Variants in SOX5 observed in about 807,000 individuals in gnomAD.
SOX5 encodes the protein transcription factor SOX-5.
In SOX5, 9 loss-of-function variants were observed where a neutral mutation model predicts 92.0. The observed-to-expected ratio is 0.10, with a 90% CI of 0.06 to 0.17. The LOEUF (loss-of-function observed/expected upper bound fraction) is 0.17. Ranked by LOEUF, SOX5 falls within the 10% of genes least tolerant of loss-of-function variation. The pLI, the probability that SOX5 is intolerant of heterozygous loss-of-function variation, is 1.00. For synonymous variants in SOX5, 344 were observed against 336.3 expected (o/e 1.02, Z -0.25); for missense variants, 642 against 944.5 (o/e 0.68, Z 4.20).
chr12:23,826,789 CACATG>C (rs2096242491), intron 3 of SOX5, among the ~76,000 whole-genome samples: 1 of 152,176 alleles, frequency 6.6e-6, no homozygotes, highest in Non-Finnish European at 1.5e-5. Context: ...CCAAGTCTTC[CACATG>C]ACTAATGTCA....
chr12:23,890,906 T>C (rs1286345994), intron 2 of SOX5, among the ~76,000 whole-genome samples: 1 of 152,192 alleles, frequency 6.6e-6, no homozygotes, highest in East Asian at 1.9e-4. Context: ...TTTTCACTAA[T>C]GTCAGAATCA....
intron 4 of SOX5, among the ~76,000 whole-genome samples, chr12:24,171,962 C>G (rs1280523541): frequency 6.6e-6 from 1 of 151,922 alleles, no homozygotes; most frequent in African/African-American, 2.4e-5. Flanking sequence ...AGGTTTTCTA[C>G]AGAGAAAGAC....
At chr12:24,559,810 T>C (rs1389415281) in intron 1 of SOX5, among the ~76,000 whole-genome samples, 1 of 152,198 alleles carries the variant, frequency 6.6e-6, no homozygotes, top group Admixed American at 6.5e-5. Context: ...TTTTTTCTTT[T>C]ACCAAACCAC....
chr12:24,440,838 A>T (rs1380069926), intron 1 of SOX5, among the ~76,000 whole-genome samples: 1 of 152,160 alleles, frequency 6.6e-6, no homozygotes, highest in East Asian at 1.9e-4. Flanking sequence ...GACCCACATT[A>T]TTCTTGGTCC....
chr12:23,992,344 T>C (rs1569430545), intron 4 of SOX5, among the ~76,000 whole-genome samples: 1 of 152,180 alleles, frequency 6.6e-6, no homozygotes, highest in Non-Finnish European at 1.5e-5. Flanking sequence ...AAAAAAAGAT[T>C]GCTTCCCTAA....
chr12:24,371,483 C>T (rs1956737169), intron 1 of SOX5, among the ~76,000 whole-genome samples: 1 of 152,190 alleles, frequency 6.6e-6, no homozygotes, highest in Non-Finnish European at 1.5e-5. Context: ...TTGTTTTAAG[C>T]CACTAAATTT....
chr12:23,552,236 G>C (rs1403917719), intron 11 of SOX5, among the ~76,000 whole-genome samples: 2 of 151,886 alleles, frequency 1.3e-5, no homozygotes, highest in African/African-American at 4.8e-5. Flanking sequence ...CTCCAGAAAA[G>C]ATGGGGCTAC....
At chr12:24,043,328 A>C (rs1956697443) in intron 4 of SOX5, among the ~76,000 whole-genome samples, 1 of 152,230 alleles carries the variant, frequency 6.6e-6, no homozygotes, top group Non-Finnish European at 1.5e-5. Context: ...GTAAGCATTG[A>C]GAACACCAGA....
intron 6 of SOX5, among the ~76,000 whole-genome samples, chr12:23,684,090 A>G (rs754149427): frequency 1.3e-5 from 2 of 151,958 alleles, no homozygotes; most frequent in Non-Finnish European, 2.9e-5. Flanking sequence ...TAAATATACA[A>G]TAAAGATTTC....
chr12:23,937,036 G>A (rs1014959476), intron 1 of SOX5, among the ~76,000 whole-genome samples: 1 of 150,782 alleles, frequency 6.6e-6, no homozygotes, highest in Non-Finnish European at 1.5e-5. Flanking sequence ...TCACATACCT[G>A]TTTGTCAAGA....
At chr12:24,085,824 A>T (rs1352334584) in intron 4 of SOX5, among the ~76,000 whole-genome samples, 1 of 152,012 alleles carries the variant, frequency 6.6e-6, no homozygotes, top group African/African-American at 2.4e-5. Context: ...TAAAGAAATT[A>T]ACTGTGAAAA....
At chr12:23,697,586 C>T (rs995247870) in intron 6 of SOX5, among the ~76,000 whole-genome samples, 6 of 151,978 alleles carry the variant, frequency 3.9e-5, no homozygotes, top group African/African-American at 7.3e-5. Context: ...GTTCTCACTC[C>T]GCCACCCAGG....
At chr12:24,235,741 CAT>C (rs1219348021) in intron 3 of SOX5, among the ~76,000 whole-genome samples, 1 of 152,130 alleles carries the variant, frequency 6.6e-6, no homozygotes, top group Non-Finnish European at 1.5e-5. Flanking sequence ...TCTAATTTTC[CAT>C]AGTCAACTTT....
intron 4 of SOX5, among the ~76,000 whole-genome samples, chr12:24,064,865 T>C (rs1367737018): frequency 6.6e-6 from 1 of 152,218 alleles, no homozygotes; most frequent in Non-Finnish European, 1.5e-5. Flanking sequence ...ACAGAGGTTA[T>C]AGTTCGGATT....
chr12:24,346,161 G>T (rs546338135), intron 2 of SOX5, among the ~76,000 whole-genome samples: 8 of 152,146 alleles, frequency 5.3e-5, no homozygotes, highest in Non-Finnish European at 8.8e-5. Context: ...GCGGGAAAAC[G>T]AACGTCATCC....
intron 8 of SOX5, among the ~76,000 whole-genome samples, chr12:23,610,002 G>T (rs2075762195): frequency 6.6e-6 from 1 of 152,058 alleles, no homozygotes; most frequent in Admixed American, 6.6e-5. Context: ...GGCTAGAAAA[G>T]GTCTGGCAGG....
chr12:23,608,623 A>C (rs2075569399), intron 8 of SOX5, among the ~76,000 whole-genome samples: 1 of 152,158 alleles, frequency 6.6e-6, no homozygotes, highest in South Asian at 2.1e-4. Flanking sequence ...ACAAGGCAGA[A>C]CTGAATTCTA....
At chr12:23,658,847 C>T (rs893968566) in intron 7 of SOX5, among the ~76,000 whole-genome samples, 11 of 152,106 alleles carry the variant, frequency 7.2e-5, no homozygotes, top group South Asian at 2.1e-4. Flanking sequence ...GAGCCGAGAT[C>T]GTGCCATTGC....
chr12:23,958,728 TA>T (rs5797051), intron 4 of SOX5, among the ~76,000 whole-genome samples: 33,896 of 148,484 alleles, frequency 0.23, 4,118 homozygotes, highest in East Asian at 0.46. Context: ...GGATTTTAAG[TA>T]AAAAAAAAAA....
Sources: gnomAD v4.1 joint callset for allele counts (sites outside exome capture counted in the v4.1 genomes callset) on GRCh38, gnomAD v4.1.1 for gene constraint, MANE v1.5 for transcripts, NCBI Gene and HGNC (gene_info 2026-07-23, HGNC 2026-07-21) for gene names.